B3GALT1: variants seen among roughly 807,000 people sequenced by gnomAD.
B3GALT1 encodes UDP-Gal:betaGlcNAc beta 1,3-galactosyltransferase, polypeptide 1.
B3GALT1 carries 10 observed loss-of-function variants against 23.2 expected under a neutral mutation model. The observed-to-expected ratio is 0.43, with a 90% CI of 0.27 to 0.73. The LOEUF is 0.73. B3GALT1 is among the 30% of genes least tolerant of loss of function. B3GALT1 has a pLI of 0.21. For missense variants in B3GALT1, 299 were observed against 405.4 expected (o/e 0.74, Z 2.25); for synonymous variants, 156 against 141.5 (o/e 1.10, Z -0.73).
chr2:167,841,284 G>A (rs1273636316), intron 4 of B3GALT1, among the ~76,000 whole-genome samples: 2 of 151,264 alleles, frequency 1.3e-5, no homozygotes, highest in African/African-American at 4.8e-5. Context: ...CCTGCCCCAG[G>A]GTGTTAGAGC....
Position 167,873,679 on chromosome 2 carries a change from A to G in B3GALT1, c.*3659A>G, listed in dbSNP as rs188713946. The G allele has an allele frequency of 1.3e-5, 2 of 152,366 alleles. No homozygotes were observed. The highest frequency in any genetic ancestry group is 4.8e-5 in the African/African-American group (2 of 41,574). The allele number at this position is 152,366 out of a possible 1,614,324, so 9.4% of individuals were successfully genotyped here. On this transcript the variant is annotated 3_prime_UTR_variant, in exon 5 of 5. Coordinates refer to ENST00000392690, the MANE Select transcript of B3GALT1 (RefSeq NM_020981.4). ...ACAACGCTTGTTGATGATAATTGAC[A>G]TTTAGGTATAACGTCATATATGAAT...
intron 1 of B3GALT1, among the ~76,000 whole-genome samples, chr2:167,316,606 G>A (rs1310187367): frequency 6.6e-6 from 1 of 152,070 alleles, no homozygotes; most frequent in East Asian, 1.9e-4. Flanking sequence ...GTTAGGTCTT[G>A]GCTAATAACA....
intron 2 of B3GALT1, among the ~76,000 whole-genome samples, chr2:167,515,125 T>A (rs189471966): frequency 6.6e-6 from 1 of 152,278 alleles, no homozygotes; most frequent in East Asian, 1.9e-4. Flanking sequence ...TCATCTTCAA[T>A]GATATAGCAT....
chr2:167,588,790 TA>T (rs968818857), intron 2 of B3GALT1, among the ~76,000 whole-genome samples: 39 of 151,866 alleles, frequency 2.6e-4, no homozygotes, highest in African/African-American at 8.5e-4. Flanking sequence ...TATATATATA[TA>T]TAATTCTTTT....
chr2:167,721,934 G>A (rs1687242952), intron 3 of B3GALT1, among the ~76,000 whole-genome samples: 1 of 152,164 alleles, frequency 6.6e-6, no homozygotes, highest in African/African-American at 2.4e-5. Flanking sequence ...AACTCTTGGA[G>A]GGTTCAATTA....
At chr2:167,655,108 A>T (rs148822355) in intron 3 of B3GALT1, among the ~76,000 whole-genome samples, 481 of 152,118 alleles carry the variant, frequency 3.2e-3, no homozygotes, top group Admixed American at 7.7e-3. Context: ...CTTAATCTTG[A>T]TATTTTTTTA....
chr2:167,501,549 TAC>T (rs1410119037), intron 2 of B3GALT1, among the ~76,000 whole-genome samples: 1 of 151,798 alleles, frequency 6.6e-6, no homozygotes, highest in Non-Finnish European at 1.5e-5. Flanking sequence ...ATAAAAACAA[TAC>T]ATTTTATTTA....
intron 3 of B3GALT1, among the ~76,000 whole-genome samples, chr2:167,800,232 C>T (rs950869813): frequency 7.2e-5 from 11 of 152,292 alleles, no homozygotes; most frequent in African/African-American, 2.4e-4. Flanking sequence ...GGACAGGAAG[C>T]CCCAGAGGAG....
Position 167,440,249 on chromosome 2 carries a change from G to A in B3GALT1, c.-510-49928G>A, listed in dbSNP as rs558688893. Among the ~76,000 whole-genome samples the A allele has an allele frequency of 6.9e-3, 1,045 of 150,990 alleles. 11 individuals carry two copies. Among genetic ancestry groups the A allele is most frequent in the African/African-American group, 0.024 (1,002 of 40,986 alleles). ...TCCCAGCTACTCAGGAGGGTGAGGC[G>A]GGAGAATGGTGTGAACCTGGGAGGC... On this transcript the variant is annotated intron_variant, in intron 1 of 4. Transcript: ENST00000392690.
intron 1 of B3GALT1, among the ~76,000 whole-genome samples, chr2:167,352,303 G>T (rs1176623070): frequency 2.1e-5 from 3 of 142,296 alleles, no homozygotes; most frequent in African/African-American, 5.2e-5. Context: ...TAAGTCCTTC[G>T]CTATTTGCTT....
chr2:167,783,444 G>A (rs1039396644), intron 3 of B3GALT1, among the ~76,000 whole-genome samples: 4 of 152,156 alleles, frequency 2.6e-5, no homozygotes, highest in East Asian at 1.9e-4. Flanking sequence ...TCCACCTAAC[G>A]CCTGACTCTG....
intron 2 of B3GALT1, among the ~76,000 whole-genome samples, chr2:167,522,577 A>G (rs1376779306): frequency 2.6e-5 from 4 of 152,148 alleles, no homozygotes; most frequent in Non-Finnish European, 5.9e-5. Flanking sequence ...TAATTAGAAG[A>G]AAGATGTCTT....
chr2:167,587,097 T>C (rs192791859), intron 2 of B3GALT1, among the ~76,000 whole-genome samples: 39 of 152,200 alleles, frequency 2.6e-4, no homozygotes, highest in African/African-American at 8.4e-4. Context: ...TAATTACTAC[T>C]CTTGTGTCTA....
chr2:167,732,274 AT>A (rs769624805), intron 3 of B3GALT1, among the ~76,000 whole-genome samples: 21 of 152,208 alleles, frequency 1.4e-4, no homozygotes, highest in Non-Finnish European at 2.2e-4. Context: ...CTTTATTGAT[AT>A]TGTAAAATAT....
intron 1 of B3GALT1, among the ~76,000 whole-genome samples, chr2:167,419,279 T>C (rs149681972): frequency 4.9e-4 from 75 of 152,342 alleles, no homozygotes; most frequent in African/African-American, 1.7e-3. Flanking sequence ...ATTTAAAGCA[T>C]AGATTAGCTT....
At chr2:167,635,228 C>T (rs950922065) in intron 2 of B3GALT1, among the ~76,000 whole-genome samples, 11 of 152,072 alleles carry the variant, frequency 7.2e-5, no homozygotes, top group African/African-American at 1.7e-4. Context: ...TTATGACAAA[C>T]GCACAGTCAA....
chr2:167,392,916 C>T (rs774242573), intron 1 of B3GALT1, among the ~76,000 whole-genome samples: 35 of 152,082 alleles, frequency 2.3e-4, no homozygotes, highest in Non-Finnish European at 4.0e-4. Context: ...AAAAGCCGTA[C>T]GTTTCTGGGC....
rs539765937 is a variant in B3GALT1, at chr2:167,593,453, T to C, written c.-409-53456T>C. On this transcript the variant is annotated intron_variant, in intron 2 of 4. Coordinates refer to ENST00000392690, the MANE Select transcript of B3GALT1 (RefSeq NM_020981.4). Reference sequence around the variant, plus strand: ...TGCAAAGTTTGTGTGTTAGAAATAATGTTTAAAAGTCTAAAATTATATCCA... The same window carrying C: ...TGCAAAGTTTGTGTGTTAGAAATAACGTTTAAAAGTCTAAAATTATATCCA... Among the ~76,000 whole-genome samples the C allele has an allele frequency of 4.6e-5, 7 of 152,288 alleles. No individual in the cohort carries two copies. In the South Asian group the frequency reaches 1.4e-3, roughly 32 times the overall value.
intron 2 of B3GALT1, among the ~76,000 whole-genome samples, chr2:167,519,434 A>C (rs1052681533): frequency 2.0e-5 from 3 of 152,162 alleles, no homozygotes; most frequent in African/African-American, 7.2e-5. Context: ...AATTTTATCC[A>C]GTTTGCTTTG....
Sources: allele counts gnomAD v4.1 joint callset (sites outside exome capture counted in the v4.1 genomes callset), GRCh38; gene constraint gnomAD v4.1.1; transcripts MANE v1.5; gene names NCBI Gene and HGNC (gene_info 2026-07-23, HGNC 2026-07-21).